The following CNTNAP2 variants were observed in gnomAD, a reference collection of about 807,000 sequenced individuals.
CNTNAP2 encodes the protein contactin associated protein 2.
A neutral mutation model predicts 155.2 loss-of-function variants in CNTNAP2; 98 were observed. That is an observed-to-expected ratio of 0.63 (90% CI 0.54 to 0.75). The LOEUF (loss-of-function observed/expected upper bound fraction) is 0.75. Among genes scored for constraint, CNTNAP2 ranks in the 30% least tolerant of loss-of-function variants. The probability of loss-of-function intolerance (pLI) is 0.00; values close to 1 mark genes in which losing one functional copy is unlikely to be tolerated. For synonymous variants in CNTNAP2, 651 were observed against 631.2 expected, an observed-to-expected ratio of 1.03 and a Z score of -0.47; for missense variants, 1,727 against 1,688.1, an observed-to-expected ratio of 1.02 and a Z score of -0.40.
intron 3 of CNTNAP2, among the ~76,000 whole-genome samples, chr7:146,854,365 T>A (rs1179873484): frequency 1.3e-5 from 2 of 152,268 alleles, no homozygotes; most frequent in African/African-American, 4.8e-5. Context: ...TATGTTTATG[T>A]GTGCTTTTTT....
intron 1 of CNTNAP2, among the ~76,000 whole-genome samples, chr7:146,445,260 T>C (rs1295851837): frequency 1.3e-5 from 2 of 152,200 alleles, no homozygotes; most frequent in Non-Finnish European, 2.9e-5. Flanking sequence ...TTGTTGTAAC[T>C]GTAAATGGGG....
intron 8 of CNTNAP2, among the ~76,000 whole-genome samples, chr7:147,239,444 G>T (rs181135621): frequency 9.9e-5 from 15 of 151,368 alleles, no homozygotes; most frequent in African/African-American, 3.6e-4. Flanking sequence ...CAGGAGACGG[G>T]GGTTGCAGTG....
chr7:147,941,475 C>A (rs999333445), intron 14 of CNTNAP2, among the ~76,000 whole-genome samples: 1 of 152,150 alleles, frequency 6.6e-6, no homozygotes, highest in African/African-American at 2.4e-5. Context: ...AGAGAGCACT[C>A]ACAAAAAAAG....
chr7:147,630,941 C>G (rs767560642), intron 12 of CNTNAP2, among the ~76,000 whole-genome samples: 10 of 152,016 alleles, frequency 6.6e-5, no homozygotes, highest in Non-Finnish European at 1.0e-4. Flanking sequence ...CCCACCACCT[C>G]TATTTAACAT....
chr7:146,920,710 T>C (rs2129219864), intron 3 of CNTNAP2, among the ~76,000 whole-genome samples: 1 of 152,312 alleles, frequency 6.6e-6, no homozygotes, highest in Non-Finnish European at 1.5e-5. Context: ...TTTCATTGAA[T>C]GTTGAACTGT....
intron 2 of CNTNAP2, among the ~76,000 whole-genome samples, chr7:146,836,252 T>G (rs1037667785): frequency 6.6e-6 from 1 of 152,030 alleles, no homozygotes; most frequent in Middle Eastern, 3.4e-3. Flanking sequence ...TTTGTATTTT[T>G]TTTTAAGAGA....
Position 146,553,259 on chromosome 7 carries a change from T to C in CNTNAP2, c.98-221012T>C, listed in dbSNP as rs185408526. On this transcript the variant is annotated intron_variant, in intron 1 of 23. Transcript: ENST00000361727. ...TGCTAGAACATATATTTATGTCTATTCTTGAATCATAACATAGAAGAAGTC... is the reference window on the plus strand; with the variant it reads ...TGCTAGAACATATATTTATGTCTATCCTTGAATCATAACATAGAAGAAGTC... Among the ~76,000 whole-genome samples the C allele has an allele frequency of 3.9e-3, 601 of 152,206 alleles. 6 individuals are homozygous for C. Among genetic ancestry groups the C allele is most frequent in the Middle Eastern group, 0.014 (4 of 288 alleles).
At chr7:148,318,746 T>G (rs1463906624) in intron 21 of CNTNAP2, among the ~76,000 whole-genome samples, 1 of 152,184 alleles carries the variant, frequency 6.6e-6, no homozygotes, top group Non-Finnish European at 1.5e-5. Flanking sequence ...AGCTACAAAC[T>G]CATCAAGATT....
At chr7:148,196,992 C>T (rs1168996759) in intron 18 of CNTNAP2, among the ~76,000 whole-genome samples, 2 of 151,876 alleles carry the variant, frequency 1.3e-5, no homozygotes, top group African/African-American at 2.4e-5. Context: ...CTGCAAATTT[C>T]TAAAAGGAAA....
Position 147,433,511 on chromosome 7 carries a change from T to A in CNTNAP2, c.1670+37731T>A, listed in dbSNP as rs539374282. 9.8e-5 allele frequency among the ~76,000 whole-genome samples: 15 copies of A among 152,346 alleles called. 1 individual carries two copies. The South Asian group carries it at 3.1e-3, about 32-fold the overall frequency. On this transcript the variant is annotated intron_variant, in intron 10 of 23. Transcript: ENST00000361727. ...TGGTGATAAGAGTGAAGACTCATAT[T>A]TGCTTTGTAAATCAATAAAAAAGAG...
chr7:147,730,260 T>C (rs1796715660), intron 13 of CNTNAP2, among the ~76,000 whole-genome samples: 1 of 152,112 alleles, frequency 6.6e-6, no homozygotes, highest in African/African-American at 2.4e-5. Context: ...CATAATTGTT[T>C]TATTGGGTTT....
At chr7:147,423,954 C>T (rs894978438) in intron 10 of CNTNAP2, among the ~76,000 whole-genome samples, 3 of 152,154 alleles carry the variant, frequency 2.0e-5, no homozygotes, top group Non-Finnish European at 2.9e-5. Flanking sequence ...AACACTTGCT[C>T]AGAAAAACAG....
chr7:147,144,963 T>G (rs1801671580), intron 8 of CNTNAP2, among the ~76,000 whole-genome samples: 2 of 152,212 alleles, frequency 1.3e-5, no homozygotes, highest in African/African-American at 2.4e-5. Context: ...TCAATAATTC[T>G]AATTGAGTGC....
At chr7:147,197,065 C>T (rs1443929074) in intron 8 of CNTNAP2, among the ~76,000 whole-genome samples, 1 of 152,156 alleles carries the variant, frequency 6.6e-6, no homozygotes, top group Non-Finnish European at 1.5e-5. Flanking sequence ...GCAATCCCCC[C>T]TCCTTTTCTG....
At chr7:148,290,274 AATC>A in intron 21 of CNTNAP2, among the ~76,000 whole-genome samples, 1 of 152,338 alleles carries the variant, frequency 6.6e-6, no homozygotes, top group Non-Finnish European at 1.5e-5. Context: ...TTTTTTAAAA[AATC>A]ATTGTACATA....
At chr7:148,107,823 A>G (rs892026972) in intron 15 of CNTNAP2, among the ~76,000 whole-genome samples, 9 of 152,166 alleles carry the variant, frequency 5.9e-5, no homozygotes, top group Admixed American at 6.5e-5. Context: ...CAGAGCTGCT[A>G]TTTACATTGG....
chr7:148,259,355 CAAA>C (rs1211859755), intron 20 of CNTNAP2, among the ~76,000 whole-genome samples: 9 of 124,898 alleles, frequency 7.2e-5, no homozygotes, highest in Admixed American at 8.4e-5. Context: ...GACCCTGCCT[CAAA>C]AAAAAAAAAA....
intron 20 of CNTNAP2, among the ~76,000 whole-genome samples, chr7:148,258,361 T>C (rs991470141): frequency 1.3e-5 from 2 of 152,214 alleles, no homozygotes; most frequent in Non-Finnish European, 2.9e-5. Flanking sequence ...CCCACACATC[T>C]ACATTTGCTC....
At chr7:148,380,731 A>G (rs1439132665) in intron 21 of CNTNAP2, among the ~76,000 whole-genome samples, 1 of 152,004 alleles carries the variant, frequency 6.6e-6, no homozygotes, top group Admixed American at 6.5e-5. Context: ...GGGTAATCCT[A>G]TTTAGCTCAG....
Sources: allele counts gnomAD v4.1 joint callset (sites outside exome capture counted in the v4.1 genomes callset), GRCh38; gene constraint gnomAD v4.1.1; transcripts MANE v1.5; gene names NCBI Gene and HGNC (gene_info 2026-07-23, HGNC 2026-07-21).